Variants in MAGI1 observed in about 807,000 individuals in gnomAD.
MAGI1 encodes the protein membrane associated guanylate kinase, WW and PDZ domain containing 1, also known as membrane-associated guanylate kinase, WW and PDZ domain-containing protein 1.
A neutral mutation model predicts 139.9 loss-of-function variants in MAGI1; 58 were observed. That is an observed-to-expected ratio of 0.41 (90% CI 0.34 to 0.52). The LOEUF (loss-of-function observed/expected upper bound fraction) is 0.52. Ranked by LOEUF, MAGI1 falls within the 20% of genes least tolerant of loss-of-function variation. MAGI1 has a pLI of 0.12. For synonymous variants in MAGI1, 812 were observed against 737.9 expected (o/e 1.10, Z -1.63); for missense variants, 1,874 against 1,901.6 (o/e 0.99, Z 0.27).
chr3:65,405,073 C>T (rs566849793), intron 12 of MAGI1, among the ~76,000 whole-genome samples: 42 of 152,262 alleles, frequency 2.8e-4, no homozygotes, highest in East Asian at 1.7e-3. Flanking sequence ...TGGCAGCATC[C>T]GCTCTTAGGG....
rs368569997 is a variant in MAGI1, at chr3:65,379,470, C to T, written c.2786G>A (p.Arg929His). ...NQPASLTEEKRTPQGSQNSLN... is the reference protein window; with the variant it reads ...NQPASLTEEKHTPQGSQNSLN... ...CGAGTTCTGGCTGCCCTGCGGAGTG[C>T]GCTTCTCTTCTGTCAGCGAGGCCGG... The change falls in exon 17 of 23, where the codon CGC becomes CAC. Residue 929 changes from arginine to histidine, a missense_variant. By Grantham distance (29) the Arg-to-His change is conservative. Around this residue, in one of 5 missense-constraint regions of MAGI1, gnomAD observed 482 missense variants for 509.6 expected, o/e 0.95. Transcript: ENST00000402939. The T allele has an allele frequency of 4.2e-5, 67 of 1,614,016 alleles. No individual in the cohort carries two copies. Among genetic ancestry groups the T allele is most frequent in the African/African-American group, 2.9e-4 (22 of 75,052 alleles).
intron 14 of MAGI1, 59 bp from the exon 15 acceptor site, chr3:65,383,682 C>G (rs1943233054): frequency 2.0e-6 from 2 of 992,454 alleles, no homozygotes; most frequent in African/African-American, 3.2e-5. Context: ...AATGATACCC[C>G]CAAGATGAAC....
chr3:65,407,446 CAAAAA>C (rs200345922), intron 12 of MAGI1, among the ~76,000 whole-genome samples: 1 of 98,002 alleles, frequency 1.0e-5, no homozygotes, highest in Non-Finnish European at 2.0e-5. Context: ...GACTCCGTCT[CAAAAA>C]AAAAAAAAAA....
intron 1 of MAGI1, among the ~76,000 whole-genome samples, chr3:65,849,001 CTTTTTTTTTTTTTTTTTTT>C (rs558270441): frequency 6.6e-4 from 26 of 39,644 alleles, no homozygotes; most frequent in East Asian, 2.3e-3. Context: ...TCAGAGCATT[CTTTTTTTTTTTTTTTTTTT>C]TTTTTTTTTT....
intron 1 of MAGI1, among the ~76,000 whole-genome samples, chr3:65,791,283 G>A (rs9823901): frequency 0.014 from 2,055 of 152,210 alleles, 53 homozygotes; most frequent in African/African-American, 0.044. Context: ...ACCCAAGAGG[G>A]GCGCATCAGA....
At chr3:66,037,878 G>T in intron 1 of MAGI1, 118 bp downstream of exon 1, 3 of 1,474,204 alleles carry the variant, frequency 2.0e-6, no homozygotes, top group Non-Finnish European at 2.7e-6. Flanking sequence ...CAGGGCGCAC[G>T]GCCTCAACTT....
chr3:65,383,670 G>T, intron 14 of MAGI1, 47 bp from the exon 15 acceptor site: 1 of 1,113,028 alleles, frequency 9.0e-7, no homozygotes, highest in Non-Finnish European at 1.4e-6. Context: ...ACTGATAAAA[G>T]CAATGATACC....
intron 1 of MAGI1, among the ~76,000 whole-genome samples, chr3:65,783,412 G>T (rs909908737): frequency 6.6e-6 from 1 of 152,110 alleles, no homozygotes; most frequent in African/African-American, 2.4e-5. Context: ...ACTTTGAGAG[G>T]GCAGGTGGGA....
chr3:65,707,450 C>T (rs1440688319), intron 1 of MAGI1, among the ~76,000 whole-genome samples: 1 of 152,126 alleles, frequency 6.6e-6, no homozygotes, highest in Non-Finnish European at 1.5e-5. Context: ...CTTTGGGAGG[C>T]CGAGCCAGGT....
intron 5 of MAGI1, among the ~76,000 whole-genome samples, chr3:65,454,187 G>C (rs911698814): frequency 1.3e-5 from 2 of 152,190 alleles, no homozygotes; most frequent in Admixed American, 1.3e-4. Flanking sequence ...GCAGCTAAGT[G>C]GGTGGGGCAA....
intron 1 of MAGI1, among the ~76,000 whole-genome samples, chr3:65,860,586 G>A (rs2059524234): frequency 6.6e-6 from 1 of 152,222 alleles, no homozygotes; most frequent in Non-Finnish European, 1.5e-5. Flanking sequence ...CAGGAGCCAT[G>A]GGGATCTGCC....
chr3:65,768,128 T>G (rs2037641869), intron 1 of MAGI1, among the ~76,000 whole-genome samples: 1 of 152,198 alleles, frequency 6.6e-6, no homozygotes, highest in Non-Finnish European at 1.5e-5. Context: ...CTTAAAAAAT[T>G]ACTTAAGCAG....
intron 1 of MAGI1, among the ~76,000 whole-genome samples, chr3:65,768,875 A>C (rs1044058129): frequency 6.6e-6 from 1 of 152,238 alleles, no homozygotes; most frequent in African/African-American, 2.4e-5. Flanking sequence ...CTCCGTACAG[A>C]GAATAATATT....
intron 1 of MAGI1, among the ~76,000 whole-genome samples, chr3:65,737,057 T>G (rs922481194): frequency 6.6e-6 from 1 of 151,688 alleles, no homozygotes. Context: ...TAGGCTGGAG[T>G]GCAGTGGCGC....
At chr3:65,628,543 TGTAA>T (rs2084108930) in intron 1 of MAGI1, among the ~76,000 whole-genome samples, 1 of 151,410 alleles carries the variant, frequency 6.6e-6, no homozygotes, top group Non-Finnish European at 1.5e-5. Flanking sequence ...GAGTTGGTCA[TGTAA>T]GCAGCCTTTG....
intron 22 of MAGI1, chr3:65,359,691 G>A (rs2106701561): frequency 3.0e-6 from 3 of 987,020 alleles, no homozygotes; most frequent in Non-Finnish European, 3.6e-6. Context: ...GTGACGCATG[G>A]AGACATTACA....
chr3:65,562,932 A>G (rs966770818), intron 2 of MAGI1, among the ~76,000 whole-genome samples: 9 of 152,184 alleles, frequency 5.9e-5, no homozygotes, highest in Admixed American at 5.2e-4. Flanking sequence ...CCTGTTTGGG[A>G]TCTGTAGTAT....
At chr3:65,917,487 C>T (rs1000929046) in intron 1 of MAGI1, among the ~76,000 whole-genome samples, 1 of 152,168 alleles carries the variant, frequency 6.6e-6, no homozygotes, top group Non-Finnish European at 1.5e-5. Flanking sequence ...TATGTCCACA[C>T]AAAAACCTGC....
At chr3:65,639,116 C>A (rs1226319128) in intron 1 of MAGI1, among the ~76,000 whole-genome samples, 1 of 152,168 alleles carries the variant, frequency 6.6e-6, no homozygotes, top group Non-Finnish European at 1.5e-5. Flanking sequence ...ACAGAAGTGT[C>A]TTTTCATTTG....
Sources: gnomAD v4.1 joint callset for allele counts (sites outside exome capture counted in the v4.1 genomes callset) on GRCh38, gnomAD v4.1.1 for gene constraint, gnomAD v4.1.1 regional missense constraint, MANE v1.5 for transcripts, NCBI Gene and HGNC (gene_info 2026-07-23, HGNC 2026-07-21) for gene names.